PRELID2: variants seen among roughly 807,000 people sequenced by gnomAD.
PRELID2 encodes the protein PRELI domain containing 2.
PRELID2 carries 25 observed loss-of-function variants against 28.4 expected under a neutral mutation model. That is an observed-to-expected ratio of 0.88 (90% CI 0.64 to 1.23). The LOEUF (loss-of-function observed/expected upper bound fraction) is 1.23. Ranked by LOEUF, PRELID2 falls within the 50% of genes most tolerant of loss-of-function variation. The pLI, the probability that PRELID2 is intolerant of heterozygous loss-of-function variation, is 0.00. For missense variants in PRELID2, 201 were observed against 214.4 expected (o/e 0.94, Z 0.39); for synonymous variants, 76 against 71.6 (o/e 1.06, Z -0.31).
the PRELID2 span, among the ~76,000 whole-genome samples, chr5:145,356,231 T>C: frequency 6.6e-6 from 1 of 152,166 alleles, no homozygotes. Context: ...TTATAAAGTC[T>C]TCCACAGTAT....
the PRELID2 span, among the ~76,000 whole-genome samples, chr5:145,383,626 A>G: frequency 6.6e-6 from 1 of 151,602 alleles, no homozygotes; most frequent in Non-Finnish European, 1.5e-5. Context: ...AGCATGCAAA[A>G]AAAAAAAAAC....
chr5:145,491,341 G>A (rs532556802), intron 1 of PRELID2, among the ~76,000 whole-genome samples: 1 of 152,140 alleles, frequency 6.6e-6, no homozygotes, highest in South Asian at 2.1e-4. Context: ...TTATATCAGG[G>A]CACTAGTCCC....
chr5:145,354,382 T>C, the PRELID2 span, among the ~76,000 whole-genome samples: 2 of 152,170 alleles, frequency 1.3e-5, no homozygotes, highest in Non-Finnish European at 2.9e-5. Context: ...TTTCCATTCT[T>C]GACAGAGGAG....
At chr5:145,477,247 A>G (rs965211200) in intron 1 of PRELID2, among the ~76,000 whole-genome samples, 1 of 152,088 alleles carries the variant, frequency 6.6e-6, no homozygotes, top group Non-Finnish European at 1.5e-5. Flanking sequence ...AGGAGCACAA[A>G]AGGCTTTTTC....
chr5:145,326,330 T>G, the PRELID2 span, among the ~76,000 whole-genome samples: 3 of 151,972 alleles, frequency 2.0e-5, no homozygotes, highest in African/African-American at 7.3e-5. Context: ...GTGTCAGTTC[T>G]CCCCCAAATT....
intron 1 of PRELID2, among the ~76,000 whole-genome samples, chr5:145,579,867 C>A (rs1753093038): frequency 6.6e-6 from 1 of 151,976 alleles, no homozygotes; most frequent in South Asian, 2.1e-4. Flanking sequence ...TTGGCTCCCC[C>A]AGTGTTTAAG....
rs180741008 is a variant in PRELID2, at chr5:145,516,216, T to G, written n.71-42901A>C. ...AAGTCAAATTGTCTCTGCTTGCAGA[T>G]GACATGATTGTGTATTTAGAAAACC... On this transcript the variant is annotated intron_variant and non_coding_transcript_variant, in intron 1 of 2. Transcript: ENST00000510259. 2.8e-3 allele frequency among the ~76,000 whole-genome samples: 431 copies of G among 152,312 alleles called. 1 individual carries two copies. Among genetic ancestry groups the G allele is most frequent in the African/African-American group, 9.7e-3 (405 of 41,562 alleles).
intron 1 of PRELID2, among the ~76,000 whole-genome samples, chr5:145,692,968 T>C (rs1236782990): frequency 6.6e-6 from 1 of 152,126 alleles, no homozygotes; most frequent in African/African-American, 2.4e-5. Flanking sequence ...GAAGCAACCA[T>C]TTGAAAATAA....
intron 1 of PRELID2, among the ~76,000 whole-genome samples, chr5:145,567,316 C>A (rs1752975202): frequency 6.7e-6 from 1 of 149,440 alleles, no homozygotes. Flanking sequence ...TTGCTTTTCC[C>A]ATGACAGTGA....
rs571337612 is a variant in PRELID2, at chr5:145,587,903, T to C, written n.71-114588A>G. Among the ~76,000 whole-genome samples the C allele has an allele frequency of 6.6e-5, 10 of 152,304 alleles. No individual in the cohort carries two copies. The South Asian group carries it at 1.7e-3, about 25-fold the overall frequency. The stretch of plus-strand genomic sequence containing the variant: ...CTGAGTAACTTACTTTGAAGTATGA[T>C]AGCAAATGAGTAAGAAGGAAAATTT... On this transcript the variant is annotated intron_variant and non_coding_transcript_variant, in intron 1 of 2. Transcript: ENST00000510259.
chr5:145,733,004 A>G lies in PRELID2; in HGVS notation n.70+31927T>C, dbSNP rs542324230. Reference sequence around the variant, plus strand: ...TTTTTCAAGGTCAGTCTTAGCTTTCATCAAATTCTCGGTGGAAGAATGGTT... The same window carrying G: ...TTTTTCAAGGTCAGTCTTAGCTTTCGTCAAATTCTCGGTGGAAGAATGGTT... On this transcript the variant is annotated intron_variant and non_coding_transcript_variant, in intron 1 of 2. Coordinates refer to the PRELID2 transcript ENST00000510259. Among the ~76,000 whole-genome samples the G allele has an allele frequency of 7.2e-5, 11 of 151,844 alleles. No individual in the cohort carries two copies. The East Asian group carries it at 1.9e-3, about 27-fold the overall frequency.
intron 1 of PRELID2, among the ~76,000 whole-genome samples, chr5:145,615,568 T>C (rs1213015977): frequency 6.7e-6 from 1 of 149,376 alleles, no homozygotes; most frequent in Admixed American, 6.8e-5. Context: ...CCTCGTGATC[T>C]GCCCGCCTCG....
chr5:145,344,197 A>G, the PRELID2 span, among the ~76,000 whole-genome samples: 18 of 152,040 alleles, frequency 1.2e-4, no homozygotes, highest in African/African-American at 4.3e-4. Flanking sequence ...AGACAAGGAC[A>G]CAACAACAAC....
intron 5 of PRELID2, among the ~76,000 whole-genome samples, chr5:145,792,594 C>T (rs1358020289): frequency 2.0e-5 from 3 of 152,170 alleles, no homozygotes; most frequent in African/African-American, 7.2e-5. Flanking sequence ...TGAATTATGT[C>T]TTAATTCTTA....
chr5:145,673,736 T>C (rs965004570), intron 1 of PRELID2, among the ~76,000 whole-genome samples: 5 of 151,908 alleles, frequency 3.3e-5, no homozygotes, highest in African/African-American at 1.2e-4. Context: ...AAGTAAAAAA[T>C]GGATCTATAA....
At chr5:145,469,066 AC>A (rs1233562153), downstream of PRELID2, among the ~76,000 whole-genome samples, 1 of 152,108 alleles carries the variant, frequency 6.6e-6, no homozygotes, top group Non-Finnish European at 1.5e-5. Flanking sequence ...GTGTATGTCC[AC>A]CTTCTTTTAG....
the PRELID2 span, among the ~76,000 whole-genome samples, chr5:145,301,855 A>G: frequency 6.6e-6 from 1 of 151,704 alleles, no homozygotes; most frequent in African/African-American, 2.4e-5. Flanking sequence ...CATCAAAACC[A>G]TATAGTCTTG....
chr5:145,343,513 A>G, the PRELID2 span, among the ~76,000 whole-genome samples: 1 of 151,976 alleles, frequency 6.6e-6, no homozygotes, highest in African/African-American at 2.4e-5. Context: ...GAGATACAAC[A>G]AAAGTAGTAC....
At chr5:145,552,442 G>T (rs537191058) in intron 1 of PRELID2, among the ~76,000 whole-genome samples, 234 of 152,058 alleles carry the variant, frequency 1.5e-3, no homozygotes, top group Middle Eastern at 6.8e-3. Flanking sequence ...GGATACGTCT[G>T]GTCTAACTGA....
Sources: gnomAD v4.1 joint callset for allele counts (sites outside exome capture counted in the v4.1 genomes callset) on GRCh38, gnomAD v4.1.1 for gene constraint, MANE v1.5 for transcripts, NCBI Gene and HGNC (gene_info 2026-07-23, HGNC 2026-07-21) for gene names.